Variants in AMPH observed in about 807,000 individuals in gnomAD.
AMPH encodes the protein amphiphysin (Stiff-Mann syndrome with breast cancer 128kD autoantigen).
AMPH carries 49 observed loss-of-function variants against 99.1 expected under a neutral mutation model. The observed-to-expected ratio is 0.49, with a 90% confidence interval of 0.39 to 0.63. The LOEUF is 0.63. Ranked by LOEUF, AMPH falls within the 20% of genes least tolerant of loss-of-function variation. The pLI is 0.00. For synonymous variants in AMPH, 314 were observed against 317.3 expected (o/e 0.99, Z 0.11); for missense variants, 759 against 863.4 (o/e 0.88, Z 1.52).
At chr7:38,562,004 A>G (rs1256548392) in intron 1 of AMPH, among the ~76,000 whole-genome samples, 1 of 151,674 alleles carries the variant, frequency 6.6e-6, no homozygotes, top group Non-Finnish European at 1.5e-5. Context: ...AGGCTGACTA[A>G]GACAGAAGAC....
At position 38,422,558 on chromosome 7, in the gene AMPH, C is replaced by T. The variant is rs902915830; in HGVS notation, c.1216-81G>A. The T allele has an allele frequency of 4.2e-4, 151 of 360,838 alleles. 1 individual carries two copies. In the African/African-American group the frequency reaches 5.2e-3, roughly 12 times the overall value. 22.4% of individuals were successfully genotyped at this position (360,838 alleles called of 1,614,324 possible). A position where few individuals can be genotyped will look rare whatever the true frequency, so the allele number is the denominator to read the frequency against. ...CCATCAATTGTGTCTGCCTACGTAT[C>T]TATCTATCTATCTATCTATCTATCT... On this transcript the variant is annotated intron_variant, in intron 15 of 20. Transcript: ENST00000356264.
At chr7:38,452,177 A>T (rs4720284) in intron 11 of AMPH, among the ~76,000 whole-genome samples, 27,823 of 152,138 alleles carry the variant, frequency 0.18, 2,820 homozygotes, top group East Asian at 0.28. Context: ...CTGGGCAGGA[A>T]TAACACAAAT....
At chr7:38,488,790 G>A (rs1788611647) in intron 5 of AMPH, among the ~76,000 whole-genome samples, 1 of 151,940 alleles carries the variant, frequency 6.6e-6, no homozygotes, top group Non-Finnish European at 1.5e-5. Context: ...CCTAACTGTG[G>A]AAGTGAAAGG....
At chr7:38,530,535 T>G (rs556790801) in intron 2 of AMPH, among the ~76,000 whole-genome samples, 11 of 152,290 alleles carry the variant, frequency 7.2e-5, no homozygotes, top group African/African-American at 2.6e-4. Flanking sequence ...ATGAGGGTGC[T>G]CCCACCTGCA....
At chr7:38,438,260 T>A (rs1446633921) in intron 11 of AMPH, among the ~76,000 whole-genome samples, 1 of 152,238 alleles carries the variant, frequency 6.6e-6, no homozygotes, top group Non-Finnish European at 1.5e-5. Context: ...TCTTGCCATG[T>A]TCTCCAGACT....
chr7:38,408,750 CAAAAA>C (rs66957354), intron 17 of AMPH, among the ~76,000 whole-genome samples: 6 of 100,718 alleles, frequency 6.0e-5, no homozygotes, highest in Non-Finnish European at 4.2e-5. Flanking sequence ...GACTCCATCA[CAAAAA>C]AAAAAAAAAA....
chr7:38,503,603 A>G (rs1171981236), intron 3 of AMPH, 47 bp downstream of exon 3: 5 of 1,591,284 alleles, frequency 3.1e-6, no homozygotes, highest in Non-Finnish European at 4.3e-6. Context: ...GAATTCCAAG[A>G]ACAACCTGTG....
intron 10 of AMPH, among the ~76,000 whole-genome samples, chr7:38,461,962 T>C (rs966149151): frequency 1.7e-4 from 26 of 152,342 alleles, no homozygotes; most frequent in African/African-American, 4.8e-4. Flanking sequence ...GTTCAATCTA[T>C]GATTTTTTTG....
In AMPH at chr7:38,606,558, G is replaced by A. The variant is rs537144800; in HGVS notation, c.69+24725C>T. ...TCCATACTGTGGCACGTCTCAGAAC[G>A]TCATTCTCTTTTTTTTTTTTTTTTT... On this transcript the variant is annotated intron_variant, in intron 1 of 20. Coordinates refer to ENST00000356264, the MANE Select transcript of AMPH (RefSeq NM_001635.4). 7.4e-4 allele frequency among the ~76,000 whole-genome samples: 105 copies of A among 141,558 alleles called. 1 individual carries two copies. In the South Asian group the frequency reaches 8.3e-3, roughly 11 times the overall value. The allele number at this position is 141,558 out of a possible 152,430, so 92.9% of individuals were successfully genotyped here.
At chr7:38,576,552 A>G (rs1562839397) in intron 1 of AMPH, among the ~76,000 whole-genome samples, 1 of 152,168 alleles carries the variant, frequency 6.6e-6, no homozygotes, top group Non-Finnish European at 1.5e-5. Flanking sequence ...TTTTCAGGAG[A>G]AAACTGGAGA....
intron 15 of AMPH, 106 bp from the exon 16 acceptor site, chr7:38,422,583 T>C (rs113131464): frequency 0.055 from 42,477 of 774,602 alleles, 1,840 homozygotes; most frequent in African/African-American, 0.17. Flanking sequence ...TCTATCTATC[T>C]ATCTATCTAT....
At chr7:38,557,403 C>G (rs1190389384) in intron 1 of AMPH, among the ~76,000 whole-genome samples, 3 of 151,326 alleles carry the variant, frequency 2.0e-5, no homozygotes, top group Non-Finnish European at 4.4e-5. Context: ...AGGGCGGTTT[C>G]CCACTATCCC....
chr7:38,445,041 T>TATATAC (rs776866249), intron 11 of AMPH, among the ~76,000 whole-genome samples: 53 of 130,228 alleles, frequency 4.1e-4, no homozygotes, highest in African/African-American at 1.2e-3. Flanking sequence ...TACATATATA[T>TATATAC]ACATATATAG....
At chr7:38,595,259 C>A (rs914993836) in intron 1 of AMPH, among the ~76,000 whole-genome samples, 1 of 152,200 alleles carries the variant, frequency 6.6e-6, no homozygotes, top group Non-Finnish European at 1.5e-5. Context: ...ACAGCTCCCC[C>A]TTTCCCTCAG....
intron 17 of AMPH, among the ~76,000 whole-genome samples, chr7:38,406,723 TCCCTTTC>T (rs796535220): frequency 1.3e-4 from 11 of 83,032 alleles, no homozygotes; most frequent in Middle Eastern, 6.7e-3. Flanking sequence ...CCTCTCTCTC[TCCCTTTC>T]CCTCTCTCTC....
In AMPH at chr7:38,439,849, C is replaced by G. The variant is rs1484851650; in HGVS notation, c.1018-3461G>C. Among the ~76,000 whole-genome samples the G allele has an allele frequency of 5.9e-5, 9 of 152,240 alleles. 1 individual carries two copies. The South Asian group carries it at 1.9e-3, about 32-fold the overall frequency. On this transcript the variant is annotated intron_variant, in intron 11 of 20. Coordinates refer to ENST00000356264, the MANE Select transcript of AMPH (RefSeq NM_001635.4). ...CTAAGTTTATCAGTAAAGTACCGGA[C>G]CTCTTCCAGTGCAGATGTGCAATTT...
rs1584062267 is a variant in AMPH at position 38,417,892 on chromosome 7, A to G, written c.1331T>C (p.Val444Ala). The G allele has an allele frequency of 6.2e-7, 1 of 1,614,118 alleles. No individual in the cohort carries two copies. The highest frequency in any genetic ancestry group is 8.5e-7 in the Non-Finnish European group (1 of 1,179,998). ...AAGGTCCAGACCAACGGCAGGTGTG[A>G]CAGCAGCCAGAGGCTCCTCTGCTTT... ...EPKAEEPLAA[V>A]TPAVGLDLGM... is the part of the protein sequence containing the mutation. The change falls in exon 17 of 21, where the codon GTC becomes GCC. Residue 444 changes from valine (V) to alanine (A), a missense_variant. Coordinates refer to ENST00000356264, the MANE Select transcript of AMPH (RefSeq NM_001635.4).
At chr7:38,621,214 G>A (rs4723775) in intron 1 of AMPH, among the ~76,000 whole-genome samples, 5,614 of 152,218 alleles carry the variant, frequency 0.037, 172 homozygotes, top group Admixed American at 0.079. Flanking sequence ...CAAATCCTCT[G>A]ACTCTAGATT....
intron 2 of AMPH, among the ~76,000 whole-genome samples, chr7:38,528,971 A>T (rs1043103977): frequency 6.6e-6 from 1 of 151,972 alleles, no homozygotes; most frequent in East Asian, 1.9e-4. Flanking sequence ...TTTTCCCAGG[A>T]CCCTAAGTCC....
Sources: gnomAD v4.1 joint callset for allele counts (sites outside exome capture counted in the v4.1 genomes callset) on GRCh38, gnomAD v4.1.1 for gene constraint, MANE v1.5 for transcripts, NCBI Gene and HGNC (gene_info 2026-07-23, HGNC 2026-07-21) for gene names.